Variants in APC observed in about 807,000 individuals in gnomAD.
APC encodes adenomatous polyposis coli protein.
APC carries 72 observed loss-of-function variants against 247.0 expected under a neutral mutation model. That is an observed-to-expected ratio of 0.29 (90% CI 0.24 to 0.35). APC has a LOEUF of 0.35. Ranked by LOEUF, APC falls within the 10% of genes least tolerant of loss-of-function variation. The pLI, the probability that APC is intolerant of heterozygous loss-of-function variation, is 1.00. For synonymous variants in APC, 1,254 were observed against 1,162.5 expected (o/e 1.08, Z -1.60); for missense variants, 3,400 against 3,360.7 (o/e 1.01, Z -0.29).
intron 2 of APC, among the ~76,000 whole-genome samples, chr5:112,761,758 A>G (rs1755699214): frequency 6.6e-6 from 1 of 152,248 alleles, no homozygotes; most frequent in South Asian, 2.1e-4. Context: ...AAAACTAAGA[A>G]CTCTTGTTCA....
rs1391225195 is a variant in APC, at chr5:112,840,739, C to T, written c.5145C>T (p.Asp1715=). 3 of 1,614,042 alleles carry T rather than the reference C, an allele frequency of 1.9e-6. No homozygotes were observed. The East Asian group carries it at 6.7e-5, about 36-fold the overall frequency. Residue 1715 remains aspartate (D), a synonymous_variant, in exon 16 of 16, where the codon GAC becomes GAT. Transcript: ENST00000257430. The surrounding 1 kb of genome is among the most constrained non-coding windows in gnomAD (Gnocchi z 4.1). ...TSSVTIPELD[D]NKAEEGDILA... is the part of the protein sequence containing the mutation. ...CTGTAACCATACCTGAATTGGATGACAATAAAGCAGAGGAAGGTGATATTC... is the reference window on the plus strand; with the variant it reads ...CTGTAACCATACCTGAATTGGATGATAATAAAGCAGAGGAAGGTGATATTC...
intron 14 of APC, among the ~76,000 whole-genome samples, chr5:112,834,446 C>G (rs1039504808): frequency 2.7e-5 from 4 of 150,778 alleles, no homozygotes; most frequent in African/African-American, 9.8e-5. Flanking sequence ...GGTTTTACCA[C>G]ATTGGCGAGG....
chr5:112,822,561 G>T (rs1303555239), intron 11 of APC, among the ~76,000 whole-genome samples: 2 of 152,182 alleles, frequency 1.3e-5, no homozygotes, highest in East Asian at 3.8e-4. Flanking sequence ...CTTTAGGTAT[G>T]TATTTTCACA....
At chr5:112,732,621 A>AC (rs1385446171) in intron 1 of APC, among the ~76,000 whole-genome samples, 5 of 152,226 alleles carry the variant, frequency 3.3e-5, no homozygotes, top group Non-Finnish European at 5.9e-5. Flanking sequence ...TTTAATGAAC[A>AC]CCTATGTAGA....
At chr5:112,763,159 A>T (rs1250248269) in intron 2 of APC, among the ~76,000 whole-genome samples, 2 of 152,192 alleles carry the variant, frequency 1.3e-5, no homozygotes, top group Non-Finnish European at 1.5e-5. Flanking sequence ...AGAAATTTTT[A>T]AAAATAGAAC....
At chr5:112,836,162 A>C (rs1764889618) in intron 15 of APC, among the ~76,000 whole-genome samples, 3 of 41,134 alleles carry the variant, frequency 7.3e-5, no homozygotes, top group Non-Finnish European at 1.1e-4. Context: ...CTGGGATTAC[A>C]GGTCCCCCCC....
intron 14 of APC, 132 bp from the exon 15 acceptor site, chr5:112,834,819 C>G (rs974910164): frequency 1.3e-6 from 1 of 784,618 alleles, no homozygotes; most frequent in Non-Finnish European, 2.2e-6. Flanking sequence ...ATGGAAAGTT[C>G]TTAATTTACC....
chr5:112,711,744 G>A (rs889741124), intron 1 of APC, among the ~76,000 whole-genome samples: 1 of 152,162 alleles, frequency 6.6e-6, no homozygotes, highest in African/African-American at 2.4e-5. Context: ...AACCCAAAGA[G>A]ATGTTTTGGC....
chr5:112,822,396 G>A (rs1763236758), intron 11 of APC, among the ~76,000 whole-genome samples: 1 of 152,082 alleles, frequency 6.6e-6, no homozygotes, highest in African/African-American at 2.4e-5. Flanking sequence ...AGCATCAGAG[G>A]GAATTATTAT....
intron 7 of APC, among the ~76,000 whole-genome samples, chr5:112,800,576 C>G (rs1417156176): frequency 1.3e-5 from 2 of 151,966 alleles, no homozygotes; most frequent in East Asian, 3.9e-4. Flanking sequence ...TTTCCTAGAA[C>G]AAGCATATAG....
chr5:112,769,526 A>T lies in APC; in HGVS notation c.422+2136A>T, dbSNP rs77552656. Among the ~76,000 whole-genome samples the T allele has an allele frequency of 0.4, 60,705 of 151,652 alleles. 14,596 individuals carry two copies. Among genetic ancestry groups the T allele is most frequent in the East Asian group, 0.65 (3,325 of 5,124 alleles). ...TATCAGGAACTTCGTCAAATGTTTTATGTCCCCTAAAAGATTCCTTAATGC... is the reference window on the plus strand; with the variant it reads ...TATCAGGAACTTCGTCAAATGTTTTTTGTCCCCTAAAAGATTCCTTAATGC... On this transcript the variant is annotated intron_variant, in intron 4 of 15. Coordinates refer to ENST00000257430, the MANE Select transcript of APC (RefSeq NM_000038.6).
At chr5:112,708,184 C>T (rs554211782) in intron 1 of APC, among the ~76,000 whole-genome samples, 3 of 152,296 alleles carry the variant, frequency 2.0e-5, no homozygotes, top group Admixed American at 6.5e-5. Flanking sequence ...GTGGGTCGTC[C>T]GCCCTTCCCA....
At chr5:112,812,448 G>A (rs892341282) in intron 8 of APC, among the ~76,000 whole-genome samples, 3 of 152,072 alleles carry the variant, frequency 2.0e-5, no homozygotes, top group Non-Finnish European at 4.4e-5. Context: ...AGCTCCTTAT[G>A]TTCAGATTTA....
At chr5:112,723,817 G>A (rs1315645273) in intron 1 of APC, among the ~76,000 whole-genome samples, 1 of 152,150 alleles carries the variant, frequency 6.6e-6, no homozygotes. Context: ...TAGTATAAGA[G>A]TTTTCTTCCT....
In APC at chr5:112,843,514, A is replaced by G. The variant is rs1766599566; in HGVS notation, c.7920A>G (p.Ser2640=). The G allele has an allele frequency of 6.2e-7, 1 of 1,613,910 alleles. No individual in the cohort carries two copies. The highest frequency in any genetic ancestry group is 8.5e-7 in the Non-Finnish European group (1 of 1,179,778). ...CAGGTGCTACAAATGGTGCTGAATC[A>G]AAGACTCTAATTTATCAAATGGCAC... The part of the protein sequence containing the change: ...VSSGATNGAE[S]KTLIYQMAPA... Residue 2640 remains serine (S), a synonymous_variant, in exon 16 of 16, where the codon TCA becomes TCG. Coordinates refer to ENST00000257430, the MANE Select transcript of APC (RefSeq NM_000038.6). The surrounding 1 kb of genome is among the most constrained non-coding windows in gnomAD (Gnocchi z 4.8).
Position 112,729,750 on chromosome 5 carries a change from T to C in APC, c.165+21868T>C, listed in dbSNP as rs912803726. Among the ~76,000 whole-genome samples, 3 of 152,224 alleles carry C rather than the reference T, an allele frequency of 2.0e-5. No individual in the cohort carries two copies. The East Asian group carries it at 5.8e-4, about 29-fold the overall frequency. On this transcript the variant is annotated intron_variant, in intron 1 of 13. Transcript: ENST00000507379. ...ACTTAATTTTATCTGCCAAGTTCCTTTTACCATATAATGTAGTATATTCAC... is the reference window on the plus strand; with the variant it reads ...ACTTAATTTTATCTGCCAAGTTCCTCTTACCATATAATGTAGTATATTCAC...
At chr5:112,819,674 G>C (rs1762917044) in intron 10 of APC, among the ~76,000 whole-genome samples, 1 of 152,156 alleles carries the variant, frequency 6.6e-6, no homozygotes, top group Non-Finnish European at 1.5e-5. Flanking sequence ...TTTCATAGAT[G>C]AAAGTGACTT....
rs754335788 is a variant in APC at position 112,842,852 on chromosome 5, T to C, written c.7258T>C (p.Ser2420Pro). ...TAAAAAGGTAGAACTTTCTAGAATGTCTTCAACTAAATCAAGTGGAAGTGA... is the reference window on the plus strand; with the variant it reads ...TAAAAAGGTAGAACTTTCTAGAATGCCTTCAACTAAATCAAGTGGAAGTGA... ...ANKKVELSRM[S>P]STKSSGSESD... The change falls in exon 16 of 16, where the codon TCT becomes CCT. Residue 2420 changes from serine (S) to proline (P), a missense_variant. Coordinates refer to ENST00000257430, the MANE Select transcript of APC (RefSeq NM_000038.6). The C allele has an allele frequency of 6.2e-7, 1 of 1,613,960 alleles. No homozygotes were observed. The highest frequency in any genetic ancestry group is 1.1e-5 in the South Asian group (1 of 91,078).
intron 1 of APC, among the ~76,000 whole-genome samples, chr5:112,754,091 A>G (rs998867004): frequency 4.5e-4 from 68 of 152,072 alleles, no homozygotes; most frequent in African/African-American, 1.5e-3. Context: ...ACTCTGCTTC[A>G]TTTCTCTTTG....
Sources: gnomAD v4.1 joint callset for allele counts (sites outside exome capture counted in the v4.1 genomes callset) on GRCh38, gnomAD v4.1.1 for gene constraint, Gnocchi (gnomAD v3.1) non-coding constraint, MANE v1.5 for transcripts, NCBI Gene and HGNC (gene_info 2026-07-23, HGNC 2026-07-21) for gene names.